Variants in ZNF821 observed in about 807,000 individuals in gnomAD.
The protein encoded by ZNF821 is zinc finger protein 821.
A neutral mutation model predicts 44.3 loss-of-function variants in ZNF821; 16 were observed. That is an observed-to-expected ratio of 0.36 (90% CI 0.24 to 0.55). The LOEUF is 0.55. Among genes scored for constraint, ZNF821 ranks in the 20% least tolerant of loss-of-function variants. ZNF821 has a pLI of 0.86. For synonymous variants in ZNF821, 204 were observed against 197.6 expected, an observed-to-expected ratio of 1.03 and a Z score of -0.27; for missense variants, 436 against 547.6, an observed-to-expected ratio of 0.80 and a Z score of 2.03.
chr16:71,869,827 G>A (rs1294632592), intron 3 of ZNF821, among the ~76,000 whole-genome samples: 1 of 152,006 alleles, frequency 6.6e-6, no homozygotes, highest in Non-Finnish European at 1.5e-5. Context: ...TGTATAGACA[G>A]GGTCTCACTG....
At chr16:71,864,630 C>A in intron 5 of ZNF821, 1 of 460,984 alleles carries the variant, frequency 2.2e-6, no homozygotes, top group Non-Finnish European at 3.9e-6. Context: ...CTTTCTACTT[C>A]AACAAAGTTT....
At chr16:71,880,568 G>A (rs2036318674) in intron 2 of ZNF821, 1 of 152,252 alleles carries the variant, frequency 6.6e-6, no homozygotes, top group South Asian at 2.1e-4. Flanking sequence ...AGAACAGCAT[G>A]GGAAATAAAG....
upstream of ZNF821, chr16:71,884,679 A>G (rs556688398): frequency 6.6e-6 from 1 of 152,214 alleles, no homozygotes; most frequent in East Asian, 1.9e-4. Context: ...GGGAGGGGCC[A>G]AGTTCAGCTG....
chr16:71,867,584 G>T (rs2034689853), intron 4 of ZNF821, among the ~76,000 whole-genome samples: 1 of 151,996 alleles, frequency 6.6e-6, no homozygotes. Context: ...TACTCAGGAG[G>T]CTGAGGCAGG....
chr16:71,894,772 G>T, intron 1 of ZNF821: 1 of 1,267,452 alleles, frequency 7.9e-7, no homozygotes, highest in Non-Finnish European at 1.1e-6. Context: ...CCGGGCTCAA[G>T]CGATCCTCCC....
At position 71,860,658 on chromosome 16, in the gene ZNF821, T is replaced by C; in HGVS notation, c.599A>G (p.Glu200Gly). Reference sequence around the variant, plus strand: ...GGGTAGGGATTCCATATTTAGTACTTCAGGAAGTTTCTCACTGGAAAGGAA... The same window carrying C: ...GGGTAGGGATTCCATATTTAGTACTCCAGGAAGTTTCTCACTGGAAAGGAA... ...HATFNSEKLP[E>G]VLNMESLPTV... The change falls in exon 8 of 8, where the codon GAA becomes GGA. Residue 200 changes from glutamate to glycine, a missense_variant. Around this residue, in one of 5 missense-constraint regions of ZNF821, gnomAD observed 238 missense variants for 281.4 expected, o/e 0.85. Transcript: ENST00000425432. This position sits in a 1 kb window ranked among gnomAD's most constrained non-coding sequence, Gnocchi z 7.3. 1 of 1,612,004 alleles carries C rather than the reference T, an allele frequency of 6.2e-7. No individual in the cohort carries two copies. Among genetic ancestry groups the C allele is most frequent in the Non-Finnish European group, 8.5e-7 (1 of 1,178,760 alleles).
chr16:71,867,761 C>T, intron 4 of ZNF821, 151 bp downstream of exon 4: 1 of 917,812 alleles, frequency 1.1e-6, no homozygotes, highest in Non-Finnish European at 1.5e-6. Flanking sequence ...CATGCCCACA[C>T]ACCTTAGACC....
At chr16:71,888,076 C>T (rs4788448), upstream of ZNF821, among the ~76,000 whole-genome samples, 1 of 151,776 alleles carries the variant, frequency 6.6e-6, no homozygotes, top group Non-Finnish European at 1.5e-5. Context: ...GGGGTCTCAC[C>T]ATGTTGCTCA....
chr16:71,877,063 A>C (rs1310151172), intron 3 of ZNF821, among the ~76,000 whole-genome samples: 8 of 152,200 alleles, frequency 5.3e-5, no homozygotes. Flanking sequence ...AGAAGCATCC[A>C]ACTCGTTCCG....
chr16:71,876,592 TTC>T (rs1415844177), intron 3 of ZNF821, among the ~76,000 whole-genome samples: 3 of 152,028 alleles, frequency 2.0e-5, no homozygotes, highest in Non-Finnish European at 2.9e-5. Flanking sequence ...ATTTTTTTCT[TTC>T]TCTTTTTCTT....
chr16:71,886,918 C>G (rs1011019893), upstream of ZNF821, among the ~76,000 whole-genome samples: 1 of 152,216 alleles, frequency 6.6e-6, no homozygotes, highest in Admixed American at 6.5e-5. Flanking sequence ...ATTGATTATA[C>G]AGTATGGGAC....
Position 71,859,881 on chromosome 16 carries a change from C to T in ZNF821, c.*137G>A. 2.0e-5 allele frequency: 20 copies of T among 993,690 alleles called. No homozygotes were observed. The allele number at this position is 993,690 out of a possible 1,614,324, so 61.6% of individuals were successfully genotyped here. The stretch of plus-strand genomic sequence containing the variant: ...TCCCATATGCAAGGGCTGCTCAGGT[C>T]CACCTGCAATAAACCCAGGCCTGCC... On this transcript the variant is annotated 3_prime_UTR_variant, in exon 8 of 8. Transcript: ENST00000425432.
chr16:71,873,053 G>A (rs2035393028), intron 3 of ZNF821, among the ~76,000 whole-genome samples: 1 of 152,230 alleles, frequency 6.6e-6, no homozygotes, highest in South Asian at 2.1e-4. Context: ...TGGGCGAGGT[G>A]GCTCATGCCT....
chr16:71,884,017 C>G lies in ZNF821; in HGVS notation c.-250G>C, dbSNP rs1372039376. Reference sequence around the variant, plus strand: ...GCAGCCCAAGCCAGCCGGGCCGGGGCGCTCCGGGACTGGGCCCCGGCGAGC... The same window carrying G: ...GCAGCCCAAGCCAGCCGGGCCGGGGGGCTCCGGGACTGGGCCCCGGCGAGC... On this transcript the variant is annotated 5_prime_UTR_variant, in exon 1 of 8. Transcript: ENST00000425432. 6.6e-6 allele frequency: 1 copy of G among 152,084 alleles called. No homozygotes were observed. The highest frequency in any genetic ancestry group is 1.5e-5 in the Non-Finnish European group (1 of 67,998). The allele number at this position is 152,084 out of a possible 1,614,324, so 9.4% of individuals were successfully genotyped here.
intron 3 of ZNF821, among the ~76,000 whole-genome samples, chr16:71,874,093 G>C (rs946056025): frequency 6.6e-6 from 1 of 151,718 alleles, no homozygotes; most frequent in African/African-American, 2.4e-5. Context: ...CGAGTAGCTG[G>C]GATTACAGGC....
chr16:71,893,029 C>T (rs1367494793), intron 1 of ZNF821, among the ~76,000 whole-genome samples: 63 of 65,894 alleles, frequency 9.6e-4, no homozygotes, highest in East Asian at 1.5e-3. Flanking sequence ...CCCTGCCTGG[C>T]TTTTTTTTTT....
intron 1 of ZNF821, chr16:71,894,743 C>T: frequency 2.6e-6 from 2 of 760,234 alleles, no homozygotes; most frequent in East Asian, 3.0e-5. Flanking sequence ...ACTATGGTGT[C>T]CAGGCTGGTC....
intron 4 of ZNF821, among the ~76,000 whole-genome samples, chr16:71,867,074 T>A (rs544852025): frequency 6.6e-6 from 1 of 152,340 alleles, no homozygotes; most frequent in East Asian, 1.9e-4. Context: ...GCTACTGTCG[T>A]AACCACAGGG....
intron 6 of ZNF821, among the ~76,000 whole-genome samples, chr16:71,863,060 A>AT (rs1332050795): frequency 5.9e-5 from 9 of 151,510 alleles, no homozygotes; most frequent in East Asian, 5.8e-4. Context: ...CACCTGGATA[A>AT]TTTTTTTTGT....
Sources: gnomAD v4.1 joint callset for allele counts (sites outside exome capture counted in the v4.1 genomes callset) on GRCh38, gnomAD v4.1.1 for gene constraint, gnomAD v4.1.1 regional missense constraint, Gnocchi (gnomAD v3.1) non-coding constraint, MANE v1.5 for transcripts, NCBI Gene and HGNC (gene_info 2026-07-23, HGNC 2026-07-21) for gene names.